GSDMA: variants seen among roughly 807,000 people sequenced by gnomAD.
The protein encoded by GSDMA is gasdermin A, also known as gasdermin-A.
Under a neutral mutation model 54.3 loss-of-function variants are expected in GSDMA, and 55 were observed. The ratio of observed to expected loss-of-function variants is 1.01; its 90% CI spans 0.82 to 1.27. GSDMA has a LOEUF of 1.27. Among genes scored for constraint, GSDMA ranks in the 50% most tolerant of loss-of-function variants. GSDMA has a pLI of 0.00. For synonymous variants in GSDMA, 211 were observed against 224.7 expected (o/e 0.94, Z 0.54); for missense variants, 542 against 542.6 (o/e 1.00, Z 0.01).
intron 11 of GSDMA, 71 bp from the exon 12 acceptor site, chr17:39,976,745 T>G: frequency 1.3e-6 from 2 of 1,582,414 alleles, no homozygotes; most frequent in Non-Finnish European, 1.7e-6. Flanking sequence ...AACCTTCTTG[T>G]GATTTTTGTG....
Position 39,963,467 on chromosome 17 carries a change from T to C in GSDMA, c.-6+382T>C, listed in dbSNP as rs1304926452. Among the ~76,000 whole-genome samples, 5 of 152,220 alleles carry C rather than the reference T, an allele frequency of 3.3e-5. No individual in the cohort carries two copies. In the East Asian group the frequency reaches 9.6e-4, roughly 29 times the overall value. On this transcript the variant is annotated intron_variant, in intron 1 of 11. Coordinates refer to ENST00000301659, the MANE Select transcript of GSDMA (RefSeq NM_178171.5). Reference sequence around the variant, plus strand: ...TGGGATGCTTCCAAGCCAGCTGGTGTGGCCTCTTCCACCCACGGGGATAAC... The same window carrying C: ...TGGGATGCTTCCAAGCCAGCTGGTGCGGCCTCTTCCACCCACGGGGATAAC...
chr17:39,967,486 G>A (rs1331787481), intron 3 of GSDMA, among the ~76,000 whole-genome samples: 1 of 152,192 alleles, frequency 6.6e-6, no homozygotes, highest in Non-Finnish European at 1.5e-5. Context: ...AGAACGAGCA[G>A]GAAATGCAGG....
At chr17:39,975,424 G>A (rs1980160714) in intron 10 of GSDMA, among the ~76,000 whole-genome samples, 1 of 147,966 alleles carries the variant, frequency 6.8e-6, no homozygotes, top group South Asian at 2.2e-4. Context: ...ACTCCAGCCT[G>A]GGCAACAGAG....
chr17:39,970,655 T>C lies in GSDMA; in HGVS notation c.558+8T>C. The stretch of plus-strand genomic sequence containing the variant: ...GCCCCATTGGGGCTACAGGTTTGAT[T>C]CAAACACACACACACACACACACAC... On this transcript the variant is annotated splice_region_variant and intron_variant, in intron 4 of 11. Transcript: ENST00000301659. 2 of 1,417,366 alleles carry C rather than the reference T, an allele frequency of 1.4e-6. No homozygotes were observed. The highest frequency in any genetic ancestry group is 2.8e-5 in the East Asian group (1 of 35,866). The allele number at this position is 1,417,366 out of a possible 1,614,324, so 87.8% of individuals were successfully genotyped here. A position where few individuals can be genotyped will look rare whatever the true frequency, so the allele number is the denominator to read the frequency against.
rs1358744827 is a variant in GSDMA, at chr17:39,974,565, C to T, written c.906+138C>T. ...GGCCAGGGGAGTCCACCTTAGATACCTTCCCCAAGGCTGGCCACGTGCCCC... is the reference window on the plus strand; with the variant it reads ...GGCCAGGGGAGTCCACCTTAGATACTTTCCCCAAGGCTGGCCACGTGCCCC... On this transcript the variant is annotated intron_variant, in intron 9 of 11. Coordinates refer to ENST00000301659, the MANE Select transcript of GSDMA (RefSeq NM_178171.5). 5.3e-6 allele frequency: 5 copies of T among 948,158 alleles called. No individual in the cohort carries two copies. The African/African-American group carries it at 8.3e-5, about 16-fold the overall frequency. 58.7% of individuals were successfully genotyped at this position (948,158 alleles called of 1,614,324 possible).
chr17:39,973,629 G>C (rs1183864974), intron 7 of GSDMA, among the ~76,000 whole-genome samples, 181 bp from the exon 8 acceptor site: 1 of 152,026 alleles, frequency 6.6e-6, no homozygotes, highest in Non-Finnish European at 1.5e-5. Context: ...CTGCAACTCG[G>C]CCGCCCAGCA....
intron 6 of GSDMA, 117 bp from the exon 7 acceptor site, chr17:39,972,470 G>A: frequency 1.1e-6 from 1 of 944,112 alleles, no homozygotes; most frequent in Non-Finnish European, 1.7e-6. Context: ...GGATGAGCTA[G>A]CATAATCTCC....
At chr17:39,973,564 G>GGAA (rs35041314) in intron 7 of GSDMA, among the ~76,000 whole-genome samples, 7 of 144,328 alleles carry the variant, frequency 4.9e-5, no homozygotes, top group African/African-American at 1.8e-4. Flanking sequence ...GCCTGGCCTA[G>GGAA]AAAAAAAAAA....
At chr17:39,972,690 A>G in intron 7 of GSDMA, 77 bp downstream of exon 7, 1 of 1,205,694 alleles carries the variant, frequency 8.3e-7, no homozygotes, top group Non-Finnish European at 1.2e-6. Context: ...TTTCCTTCTG[A>G]CAGGACTGAC....
chr17:39,963,803 G>A (rs1018022868), intron 1 of GSDMA, among the ~76,000 whole-genome samples: 1 of 152,066 alleles, frequency 6.6e-6, no homozygotes, highest in Non-Finnish European at 1.5e-5. Flanking sequence ...GCAGTGAGCC[G>A]AGATCATGCC....
intron 10 of GSDMA, among the ~76,000 whole-genome samples, chr17:39,975,397 C>T (rs536703229): frequency 2.0e-3 from 303 of 150,274 alleles, no homozygotes; most frequent in African/African-American, 7.2e-3. Context: ...TGCAGTGAGC[C>T]GAGATCACTC....
Position 39,974,942 on chromosome 17 carries a change from G to A in GSDMA, c.949G>A (p.Ala317Thr), listed in dbSNP as rs1213709054. 6.2e-7 allele frequency: 1 copy of A among 1,612,300 alleles called. No individual in the cohort carries two copies. The highest frequency in any genetic ancestry group is 1.7e-5 in the Admixed American group (1 of 59,592). Residue 317 changes from alanine (A) to threonine (T), a missense_variant, in exon 10 of 12, where the codon GCA becomes ACA. Physicochemically the swap from Ala to Thr is moderately conservative, Grantham distance 58 (BLOSUM62 0). Transcript: ENST00000301659. ...CAAGGGACATGAAGTGACCCTGGAGGCACTCCCAAAAGATGTCCTGCTATC... is the reference window on the plus strand; with the variant it reads ...CAAGGGACATGAAGTGACCCTGGAGACACTCCCAAAAGATGTCCTGCTATC... ...LDKGHEVTLE[A>T]LPKDVLLSKE... is the part of the protein sequence containing the mutation.
Position 39,970,479 on chromosome 17 carries a change from C to G in GSDMA, c.393-3C>G, listed in dbSNP as rs1316614177. 6.4e-7 allele frequency: 1 copy of G among 1,570,292 alleles called. No individual in the cohort carries two copies. Among genetic ancestry groups the G allele is most frequent in the South Asian group, 1.2e-5 (1 of 85,188 alleles). ...CGGTTCCCTTATGTTTCTCCTGCAA[C>G]AGGAAGCTGGCAGCAGACCACCCAT... On this transcript the variant is annotated splice_polypyrimidine_tract_variant and splice_region_variant and intron_variant, in intron 3 of 11. Transcript: ENST00000301659.
At chr17:39,976,258 G>C (rs993964048) in intron 11 of GSDMA, among the ~76,000 whole-genome samples, 8 of 148,426 alleles carry the variant, frequency 5.4e-5, no homozygotes, top group Non-Finnish European at 8.9e-5. Flanking sequence ...CTTATTCCTA[G>C]CCAAATATTG....
chr17:39,977,352 C>T lies in GSDMA; in HGVS notation c.*294C>T, dbSNP rs1980250783. 1 of 247,416 alleles carries T rather than the reference C, an allele frequency of 4.0e-6. No homozygotes were observed. Among genetic ancestry groups the T allele is most frequent in the Admixed American group, 5.9e-5 (1 of 17,060 alleles). The allele number at this position is 247,416 out of a possible 1,614,324, so 15.3% of individuals were successfully genotyped here. On this transcript the variant is annotated 3_prime_UTR_variant, in exon 12 of 12. Coordinates refer to ENST00000301659, the MANE Select transcript of GSDMA (RefSeq NM_178171.5). ...TGTCACCCAGGCTGGAGTGCAGTGG[C>T]TTGATCTTGGCTCACTGCAACCTCC...
chr17:39,971,494 G>A (rs1979935662), intron 4 of GSDMA, 30 bp from the exon 5 acceptor site: 1 of 1,560,070 alleles, frequency 6.4e-7, no homozygotes, highest in African/African-American at 1.4e-5. Flanking sequence ...GATGTCCAGA[G>A]ATTCACAAAT....
At chr17:39,972,235 C>A in intron 6 of GSDMA, 59 bp downstream of exon 6, 2 of 1,115,602 alleles carry the variant, frequency 1.8e-6, no homozygotes, top group Non-Finnish European at 2.7e-6. Context: ...ACATTATCTG[C>A]CAAAATCCTC....
intron 2 of GSDMA, 127 bp from the exon 3 acceptor site, chr17:39,966,133 C>A: frequency 1.0e-6 from 1 of 997,652 alleles, no homozygotes; most frequent in Non-Finnish European, 1.5e-6. Flanking sequence ...TGCTTTGTTG[C>A]CCAGGCTGGT....
At position 39,976,889 on chromosome 17, in the gene GSDMA, C is replaced by A; in HGVS notation, c.1169C>A (p.Ser390Tyr). 2 of 1,613,970 alleles carry A rather than the reference C, an allele frequency of 1.2e-6. No individual in the cohort carries two copies. The highest frequency in any genetic ancestry group is 1.7e-6 in the Non-Finnish European group (2 of 1,179,878). ...TTCCCCCTGCAACCTGAGCTGCTCT[C>A]CTCCCTTGGGGACGAGGAGCTGACC... Reference protein sequence around the residue: ...GVFPLQPELLSSLGDEELTLT... With the variant: ...GVFPLQPELLYSLGDEELTLT... The change falls in exon 12 of 12, where the codon TCC becomes TAC. Residue 390 changes from serine (S) to tyrosine (Y), a missense_variant. Ser to Tyr is a moderately radical substitution (Grantham distance 144). Transcript: ENST00000301659.
Sources: allele counts gnomAD v4.1 joint callset (sites outside exome capture counted in the v4.1 genomes callset), GRCh38; gene constraint gnomAD v4.1.1; transcripts MANE v1.5; gene names NCBI Gene and HGNC (gene_info 2026-07-23, HGNC 2026-07-21).